Variants in OCIAD1 observed in about 807,000 individuals in gnomAD.
The protein encoded by OCIAD1 is OCIA domain containing 1.
A neutral mutation model predicts 38.9 loss-of-function variants in OCIAD1; 29 were observed. The ratio of observed to expected loss-of-function variants is 0.74; its 90% CI spans 0.55 to 1.02. OCIAD1 has a LOEUF of 1.02. Ranked by LOEUF, OCIAD1 falls within the 50% of genes least tolerant of loss-of-function variation. The pLI is 0.00. For synonymous variants in OCIAD1, 110 were observed against 92.0 expected (o/e 1.20, Z -1.12); for missense variants, 288 against 289.6 (o/e 0.99, Z 0.04).
chr4:48,857,235 A>G lies in OCIAD1; in HGVS notation c.570A>G (p.Glu190=). 1 of 1,556,486 alleles carries G rather than the reference A, an allele frequency of 6.4e-7. No individual in the cohort carries two copies. Among genetic ancestry groups the G allele is most frequent in the Non-Finnish European group, 8.7e-7 (1 of 1,153,932 alleles). ...TAGGACCTGATCCCAACCTTGAAGA[A>G]AGTCCTAAAAGAAAAAATATTACAT... ...IVQGPDPNLE[E]SPKRKNITYE... Residue 190 remains glutamate (E), a synonymous_variant, in exon 8 of 9, where the codon GAA becomes GAG. Transcript: ENST00000264312.
chr4:48,812,002 G>A (rs1419347793), intron 1 of OCIAD1, among the ~76,000 whole-genome samples: 3 of 151,904 alleles, frequency 2.0e-5, no homozygotes, highest in African/African-American at 4.8e-5. Context: ...CTAAATTTGG[G>A]GCTGGGCACA....
At chr4:48,847,749 A>T (rs1393507050) in intron 4 of OCIAD1, among the ~76,000 whole-genome samples, 1 of 152,200 alleles carries the variant, frequency 6.6e-6, no homozygotes, top group Non-Finnish European at 1.5e-5. Context: ...TGTACTTAAT[A>T]CCAGACTGTC....
Position 48,857,326 on chromosome 4 carries a change from T to G in OCIAD1, c.661T>G (p.Ser221Ala). 6.3e-7 allele frequency: 1 copy of G among 1,596,316 alleles called. No homozygotes were observed. The change falls in exon 8 of 9, where the codon TCA becomes GCA. Residue 221 changes from serine to alanine, a missense_variant. Ser to Ala is a moderately conservative substitution (Grantham distance 99). Coordinates refer to ENST00000264312, the MANE Select transcript of OCIAD1 (RefSeq NM_017830.4). ...ATCTTTAACACAAAAGACTGACCCCTCAGTCAGGCCTATGCATGAAAGAGT... is the reference window on the plus strand; with the variant it reads ...ATCTTTAACACAAAAGACTGACCCCGCAGTCAGGCCTATGCATGAAAGAGT... Reference protein sequence around the residue: ...EVSLTQKTDPSVRPMHERVPK... With the variant: ...EVSLTQKTDPAVRPMHERVPK...
upstream of OCIAD1, among the ~76,000 whole-genome samples, chr4:48,829,234 T>C (rs1426536947): frequency 1.3e-5 from 2 of 151,954 alleles, no homozygotes; most frequent in African/African-American, 4.8e-5. Flanking sequence ...TACTACGGTC[T>C]AGACAATAGA....
chr4:48,828,417 A>C (rs1281437809), upstream of OCIAD1, among the ~76,000 whole-genome samples: 1 of 152,228 alleles, frequency 6.6e-6, no homozygotes, highest in Admixed American at 6.5e-5. Flanking sequence ...GAATAAAAGC[A>C]GGCCTCTTGA....
chr4:48,860,673 T>A (rs1468755927), intron 8 of OCIAD1, 52 bp from the exon 9 acceptor site: 1 of 1,281,580 alleles, frequency 7.8e-7, no homozygotes, highest in African/African-American at 1.5e-5. Context: ...TAAAATAATG[T>A]CTTTTACTTA....
In OCIAD1 at chr4:48,838,621, C is replaced by T. The variant is rs530561129; in HGVS notation, c.140-4015C>T. ...CATTTGTACTTTCGAATTAGATAGTCTATGCTGTATGTGACATTTATGTAA... is the reference window on the plus strand; with the variant it reads ...CATTTGTACTTTCGAATTAGATAGTTTATGCTGTATGTGACATTTATGTAA... On this transcript the variant is annotated intron_variant, in intron 3 of 8. Transcript: ENST00000264312. Among the ~76,000 whole-genome samples, 149 of 152,290 alleles carry T rather than the reference C, an allele frequency of 9.8e-4. No homozygotes were observed. In the Middle Eastern group the frequency reaches 0.014, roughly 14 times the overall value.
chr4:48,848,050 GT>G (rs112187022), intron 4 of OCIAD1, among the ~76,000 whole-genome samples: 55 of 137,100 alleles, frequency 4.0e-4, no homozygotes, highest in South Asian at 4.7e-4. Flanking sequence ...GGTTTTGAGC[GT>G]TTTTTTTTTT....
intron 1 of OCIAD1, among the ~76,000 whole-genome samples, chr4:48,807,961 A>G (rs1219851734): frequency 6.6e-6 from 1 of 152,194 alleles, no homozygotes. Context: ...ATAATTTTAC[A>G]TGTATCATTT....
chr4:48,851,726 T>C, intron 6 of OCIAD1, 80 bp from the exon 7 acceptor site: 1 of 729,182 alleles, frequency 1.4e-6, no homozygotes, highest in Non-Finnish European at 2.2e-6. Context: ...ATAAGCTATA[T>C]GAAAGAAGTT....
Position 48,850,248 on chromosome 4 carries a change from CATTT to C in OCIAD1, c.377+177_377+180del, listed in dbSNP as rs370992983. Among the ~76,000 whole-genome samples the C allele has an allele frequency of 6.6e-5, 10 of 152,276 alleles. No individual in the cohort carries two copies. The South Asian group carries it at 1.7e-3, about 25-fold the overall frequency. Reference sequence around the variant, plus strand: ...CAAAAATTGGAGCAAGACTTGCCACCATTTATTTATTTATGAATGAATGAATGAA... The same window carrying C: ...CAAAAATTGGAGCAAGACTTGCCACCATTTATTTATGAATGAATGAATGAA... On this transcript the variant is annotated intron_variant, in intron 6 of 8. Transcript: ENST00000264312.
chr4:48,858,598 T>G (rs866337935), intron 8 of OCIAD1, among the ~76,000 whole-genome samples: 8 of 152,232 alleles, frequency 5.3e-5, no homozygotes, highest in Non-Finnish European at 8.8e-5. Flanking sequence ...GGACTACAGT[T>G]GTATGCCACC....
intron 4 of OCIAD1, among the ~76,000 whole-genome samples, chr4:48,845,064 G>A (rs1433651190): frequency 2.0e-5 from 3 of 151,880 alleles, no homozygotes; most frequent in African/African-American, 7.3e-5. Context: ...CATACTCCAC[G>A]TGGTCTTAGA....
chr4:48,832,903 A>T (rs927535423), intron 2 of OCIAD1: 9 of 538,074 alleles, frequency 1.7e-5, no homozygotes, highest in Admixed American at 9.6e-5. Flanking sequence ...TTAGGTAGCC[A>T]GTCCTGACTA....
Position 48,825,054 on chromosome 4 carries a change from A to G in OCIAD1, c.-102-5523A>G, listed in dbSNP as rs117387377. ...GCCTGGCTGGAGTTTTTAATTTCAAATAAGTCAAAATAATGAAGGAACTGT... is the reference window on the plus strand; with the variant it reads ...GCCTGGCTGGAGTTTTTAATTTCAAGTAAGTCAAAATAATGAAGGAACTGT... On this transcript the variant is annotated intron_variant, in intron 1 of 6. Transcript: ENST00000504654. 4.8e-4 allele frequency among the ~76,000 whole-genome samples: 73 copies of G among 152,318 alleles called. No individual in the cohort carries two copies. In the East Asian group the frequency reaches 0.012, roughly 25 times the overall value.
chr4:48,849,373 A>G (rs907323281), intron 5 of OCIAD1, among the ~76,000 whole-genome samples: 3 of 152,174 alleles, frequency 2.0e-5, no homozygotes, highest in African/African-American at 7.2e-5. Flanking sequence ...GAGGCTTTTC[A>G]TGAGTCTTTC....
upstream of OCIAD1, among the ~76,000 whole-genome samples, chr4:48,826,697 T>C (rs190495557): frequency 2.1e-3 from 318 of 152,324 alleles, 1 homozygote; most frequent in African/African-American, 7.0e-3. Flanking sequence ...TGTACAATTA[T>C]TATGTCAATT....
intron 4 of OCIAD1, 123 bp downstream of exon 4, chr4:48,842,812 C>T: frequency 1.8e-6 from 1 of 565,096 alleles, no homozygotes. Context: ...TGTAGAAATT[C>T]ATTGATGAAT....
chr4:48,825,194 G>A (rs1468489897), intron 1 of OCIAD1, among the ~76,000 whole-genome samples: 1 of 152,176 alleles, frequency 6.6e-6, no homozygotes, highest in Non-Finnish European at 1.5e-5. Context: ...ATATGGGCTT[G>A]CTCCTTGGGG....
Sources: allele counts gnomAD v4.1 joint callset (sites outside exome capture counted in the v4.1 genomes callset), GRCh38; gene constraint gnomAD v4.1.1; transcripts MANE v1.5; gene names NCBI Gene and HGNC (gene_info 2026-07-23, HGNC 2026-07-21).